PHF19: variants seen among roughly 807,000 people sequenced by gnomAD.
The protein encoded by PHF19 is polycomb like 3.
In PHF19, 21 loss-of-function variants were observed where a neutral mutation model predicts 79.8. The observed-to-expected ratio is 0.26, with a 90% CI of 0.19 to 0.38. The LOEUF (loss-of-function observed/expected upper bound fraction) is 0.38. Ranked by LOEUF, PHF19 falls within the 10% of genes least tolerant of loss-of-function variation. The pLI is 1.00. For missense variants in PHF19, 445 were observed against 744.2 expected (o/e 0.60, Z 4.68); for synonymous variants, 273 against 296.3 (o/e 0.92, Z 0.81).
Position 120,870,337 on chromosome 9 carries a change from A to G in PHF19, c.364+106T>C. 1 of 736,876 alleles carries G rather than the reference A, an allele frequency of 1.4e-6. No homozygotes were observed. Among genetic ancestry groups the G allele is most frequent in the Non-Finnish European group, 2.4e-6 (1 of 419,572 alleles). The allele number at this position is 736,876 out of a possible 1,614,324, so 45.6% of individuals were successfully genotyped here. ...TTCACCCTGCAGTGCCAAGAGAAAC[A>G]GGAAGCCAGCTGAGGCCCCAACAGG... is the stretch of plus-strand genomic sequence containing the variant. On this transcript the variant is annotated intron_variant, in intron 4 of 14. Coordinates refer to ENST00000373896, the MANE Select transcript of PHF19 (RefSeq NM_015651.3). The surrounding 1 kb of genome is among the most constrained non-coding windows in gnomAD (Gnocchi z 4.4).
Position 120,869,370 on chromosome 9 carries a change from G to C in PHF19, c.466-40C>G. 6.3e-7 allele frequency: 1 copy of C among 1,596,452 alleles called. No homozygotes were observed. Among genetic ancestry groups the C allele is most frequent in the Non-Finnish European group, 8.5e-7 (1 of 1,172,368 alleles). Reference sequence around the variant, plus strand: ...GGGCCCCAGTCAACCACCAGGTCCGGGTGGACCACGCGAGTCAGCACGCGG... The same window carrying C: ...GGGCCCCAGTCAACCACCAGGTCCGCGTGGACCACGCGAGTCAGCACGCGG... On this transcript the variant is annotated intron_variant, in intron 5 of 14. Transcript: ENST00000373896. The surrounding 1 kb of genome is among the most constrained non-coding windows in gnomAD (Gnocchi z 5.8).
intron 1 of PHF19, among the ~76,000 whole-genome samples, chr9:120,883,557 G>A (rs915770628): frequency 6.6e-6 from 1 of 152,028 alleles, no homozygotes; most frequent in Non-Finnish European, 1.5e-5. Flanking sequence ...TCCGGAGTTC[G>A]AGCCCAGCCT....
intron 1 of PHF19, among the ~76,000 whole-genome samples, chr9:120,883,481 G>A (rs1240322137): frequency 6.6e-6 from 1 of 152,134 alleles, no homozygotes; most frequent in African/African-American, 2.4e-5. Flanking sequence ...CGGTCCAGCC[G>A]GGCACGGTGG....
At chr9:120,881,058 A>C (rs1335362186), upstream of PHF19, among the ~76,000 whole-genome samples, 1 of 152,052 alleles carries the variant, frequency 6.6e-6, no homozygotes, top group Non-Finnish European at 1.5e-5. Flanking sequence ...TGAAACATGC[A>C]TGGGAAATCA....
intron 1 of PHF19, among the ~76,000 whole-genome samples, chr9:120,894,510 T>C (rs1489981958): frequency 3.3e-5 from 5 of 152,026 alleles, no homozygotes; most frequent in Non-Finnish European, 7.4e-5. Context: ...GGCAAGCCCT[T>C]TTTCCACGAC....
At position 120,866,222 on chromosome 9, in the gene PHF19, G is replaced by A. The variant is rs2045695933; in HGVS notation, c.711-126C>T. ...AATCTTCTCACTCCTAGGACTGCTGGCCACTGGGGGTCAAGGACAGGGCAG... is the reference window on the plus strand; with the variant it reads ...AATCTTCTCACTCCTAGGACTGCTGACCACTGGGGGTCAAGGACAGGGCAG... On this transcript the variant is annotated intron_variant, in intron 7 of 14. Coordinates refer to ENST00000373896, the MANE Select transcript of PHF19 (RefSeq NM_015651.3). This position sits in a 1 kb window ranked among gnomAD's most constrained non-coding sequence, Gnocchi z 5.2. 1 of 736,214 alleles carries A rather than the reference G, an allele frequency of 1.4e-6. No individual in the cohort carries two copies. The highest frequency in any genetic ancestry group is 2.5e-6 in the Non-Finnish European group (1 of 405,382). 45.6% of individuals were successfully genotyped at this position (736,214 alleles called of 1,614,324 possible).
rs1200971337 is a variant in PHF19 at position 120,860,801 on chromosome 9, G to C, written c.1304+288C>G. 5.5e-6 allele frequency: 2 copies of C among 366,062 alleles called. No homozygotes were observed. Among genetic ancestry groups the C allele is most frequent in the Non-Finnish European group, 1.0e-5 (2 of 190,614 alleles). The allele number at this position is 366,062 out of a possible 1,614,324, so 22.7% of individuals were successfully genotyped here. ...GGTCCTGAGTTTTCAGATGGGCTAG[G>C]GCAAGGCAAAGGGTATCTCAGGCAG... On this transcript the variant is annotated intron_variant, in intron 13 of 14. Coordinates refer to ENST00000373896, the MANE Select transcript of PHF19 (RefSeq NM_015651.3). The surrounding 1 kb of genome is among the most constrained non-coding windows in gnomAD (Gnocchi z 4.1).
Position 120,862,146 on chromosome 9 carries a change from C to T in PHF19, c.1131-141G>A. The T allele has an allele frequency of 1.4e-6, 1 of 714,128 alleles. No homozygotes were observed. The highest frequency in any genetic ancestry group is 1.5e-5 in the South Asian group (1 of 68,530). The allele number at this position is 714,128 out of a possible 1,614,324, so 44.2% of individuals were successfully genotyped here. A position where few individuals can be genotyped will look rare whatever the true frequency, so the allele number is the denominator to read the frequency against. ...ACACAGCTGCACCTTCACAGGGAGG[C>T]CTGGGGAGGAGGGAGAGTCCTCAGG... On this transcript the variant is annotated intron_variant, in intron 11 of 14. Coordinates refer to ENST00000373896, the MANE Select transcript of PHF19 (RefSeq NM_015651.3). This position sits in a 1 kb window ranked among gnomAD's most constrained non-coding sequence, Gnocchi z 4.6.
chr9:120,868,303 G>A (rs1268903053), intron 6 of PHF19: 1 of 152,238 alleles, frequency 6.6e-6, no homozygotes. Context: ...AGGTTATCTT[G>A]ACTTTCATGC....
At chr9:120,865,931 G>A (rs1034800507) in intron 8 of PHF19, 97 bp downstream of exon 8, 109 of 1,587,692 alleles carry the variant, frequency 6.9e-5, no homozygotes, top group Middle Eastern at 3.4e-4. Context: ...GGCAGGGTTG[G>A]GACCCAGTAG....
At chr9:120,899,752 G>T (rs2046425266), upstream of PHF19, among the ~76,000 whole-genome samples, 1 of 152,160 alleles carries the variant, frequency 6.6e-6, no homozygotes, top group African/African-American at 2.4e-5. Flanking sequence ...CCCCAGCCCA[G>T]GCTGTGAGCA....
intron 3 of PHF19, among the ~76,000 whole-genome samples, chr9:120,872,048 A>G (rs1038892557): frequency 2.1e-5 from 3 of 143,086 alleles, no homozygotes; most frequent in Admixed American, 1.4e-4. Flanking sequence ...AAAAAAAAAA[A>G]AAAAAAAAAA....
chr9:120,863,232 T>C (rs908212394), intron 10 of PHF19, among the ~76,000 whole-genome samples: 2 of 149,064 alleles, frequency 1.3e-5, no homozygotes, highest in African/African-American at 4.9e-5. Context: ...GGACTGTCCA[T>C]TGGGAGGGCA....
rs779160040 is a variant in PHF19 at position 120,874,583 on chromosome 9, G to C, written c.159C>G (p.Gly53=). The part of the protein sequence containing the change: ...GQYVLCRWTD[G]LYYLGKIKRV... ...TCTTGATCTTCCCGAGGTAGTACAG[G>C]CCATCTGTCCACCGGCACAGCACAT... Residue 53 remains glycine, a synonymous_variant, in exon 2 of 15, where the codon GGC becomes GGG. Coordinates refer to ENST00000373896, the MANE Select transcript of PHF19 (RefSeq NM_015651.3). This position sits in a 1 kb window ranked among gnomAD's most constrained non-coding sequence, Gnocchi z 4.5. 1 of 1,612,920 alleles carries C rather than the reference G, an allele frequency of 6.2e-7. No individual in the cohort carries two copies. Among genetic ancestry groups the C allele is most frequent in the South Asian group, 1.1e-5 (1 of 91,058 alleles).
chr9:120,889,038 C>A (rs2046304991), intron 1 of PHF19, among the ~76,000 whole-genome samples: 1 of 152,134 alleles, frequency 6.6e-6, no homozygotes, highest in African/African-American at 2.4e-5. Flanking sequence ...ATGGGGAGCT[C>A]CTCCAAAAAG....
In PHF19 at chr9:120,862,056, T is replaced by C. The variant is rs751836939; in HGVS notation, c.1131-51A>G. 8.5e-6 allele frequency: 12 copies of C among 1,408,520 alleles called. No individual in the cohort carries two copies. In the East Asian group the frequency reaches 2.5e-4, roughly 29 times the overall value. The allele number at this position is 1,408,520 out of a possible 1,614,324, so 87.3% of individuals were successfully genotyped here. On this transcript the variant is annotated intron_variant, in intron 11 of 14. Coordinates refer to ENST00000373896, the MANE Select transcript of PHF19 (RefSeq NM_015651.3). The surrounding 1 kb of genome is among the most constrained non-coding windows in gnomAD (Gnocchi z 4.6). ...TGGCCCCGTCAGAGCCTGAGGGCCC[T>C]AGGGTGGCCCAGAGGGAGGCGCCGC...
At position 120,863,781 on chromosome 9, in the gene PHF19, G is replaced by A. The variant is rs997103300; in HGVS notation, c.968+268C>T. On this transcript the variant is annotated intron_variant, in intron 10 of 14. Coordinates refer to ENST00000373896, the MANE Select transcript of PHF19 (RefSeq NM_015651.3). ...AGTGCCTGGCCCCCAAGGCCTAGAT[G>A]TCTAGAGCCGGAGGGGCCCTCAGAG... 3.9e-5 allele frequency among the ~76,000 whole-genome samples: 6 copies of A among 152,282 alleles called. No homozygotes were observed. The East Asian group carries it at 5.8e-4, about 15-fold the overall frequency.
chr9:120,882,740 G>A (rs1195176915), intron 1 of PHF19, among the ~76,000 whole-genome samples: 1 of 151,652 alleles, frequency 6.6e-6, no homozygotes, highest in Non-Finnish European at 1.5e-5. Flanking sequence ...TACTTGGGAG[G>A]CTGAGGCAGG....
chr9:120,874,601 C>T lies in PHF19; in HGVS notation c.141G>A (p.Leu47=). Residue 47 remains leucine (L), a synonymous_variant, in exon 2 of 15, where the codon CTG becomes CTA. Transcript: ENST00000373896. The surrounding 1 kb of genome is among the most constrained non-coding windows in gnomAD (Gnocchi z 4.5). ...AGTACAGGCCATCTGTCCACCGGCACAGCACATACTGGCCCTCCGTCAGTT... is the reference window on the plus strand; with the variant it reads ...AGTACAGGCCATCTGTCCACCGGCATAGCACATACTGGCCCTCCGTCAGTT... The part of the protein sequence containing the change: ...MSKLTEGQYV[L]CRWTDGLYYL... 6.2e-7 allele frequency: 1 copy of T among 1,613,940 alleles called. No individual in the cohort carries two copies. The highest frequency in any genetic ancestry group is 1.1e-5 in the South Asian group (1 of 91,084).
Sources: gnomAD v4.1 joint callset for allele counts (sites outside exome capture counted in the v4.1 genomes callset) on GRCh38, gnomAD v4.1.1 for gene constraint, Gnocchi (gnomAD v3.1) non-coding constraint, MANE v1.5 for transcripts, NCBI Gene and HGNC (gene_info 2026-07-23, HGNC 2026-07-21) for gene names.